The following GHR variants were observed in gnomAD, a reference collection of about 807,000 sequenced individuals.
The protein encoded by GHR is GH receptor.
A neutral mutation model predicts 67.1 loss-of-function variants in GHR; 35 were observed. The ratio of observed to expected loss-of-function variants is 0.52; its 90% CI spans 0.40 to 0.69. The LOEUF is 0.69. Among genes scored for constraint, GHR ranks in the 30% least tolerant of loss-of-function variants. GHR has a pLI of 0.00. For missense variants in GHR, 792 were observed against 764.6 expected, an observed-to-expected ratio of 1.04 and a Z score of -0.42; for synonymous variants, 272 against 269.1, an observed-to-expected ratio of 1.01 and a Z score of -0.10.
intron 1 of GHR, among the ~76,000 whole-genome samples, chr5:42,460,397 C>T (rs1262193289): frequency 6.6e-6 from 1 of 152,202 alleles, no homozygotes; most frequent in Non-Finnish European, 1.5e-5. Flanking sequence ...ATCACTTTTA[C>T]TAGCTAACAC....
chr5:42,424,694 AGGCTGCGGGTCAATGGGGT>A lies in GHR; in HGVS notation c.-12+743_-12+761del, dbSNP rs1742770346. 5 of 1,220,210 alleles carry A rather than the reference AGGCTGCGGGTCAATGGGGT, an allele frequency of 4.1e-6. No homozygotes were observed. The highest frequency in any genetic ancestry group is 1.5e-5 in the African/African-American group (1 of 67,062). 75.6% of individuals were successfully genotyped at this position (1,220,210 alleles called of 1,614,324 possible). Reference sequence around the variant, plus strand: ...CTTAAAGTTTTGACAGAACTGCCAGAGGCTGCGGGTCAATGGGGTGGCCGCGTGTCTAGGGAGAGGGCGC... The same window carrying A: ...CTTAAAGTTTTGACAGAACTGCCAGAGGCCGCGTGTCTAGGGAGAGGGCGC... On this transcript the variant is annotated intron_variant, in intron 1 of 9. Coordinates refer to ENST00000230882, the MANE Select transcript of GHR (RefSeq NM_000163.5). The surrounding 1 kb of genome is among the most constrained non-coding windows in gnomAD (Gnocchi z 4.1).
intron 1 of GHR, among the ~76,000 whole-genome samples, chr5:42,488,613 T>C (rs530691253): frequency 2.5e-4 from 38 of 152,304 alleles, no homozygotes; most frequent in African/African-American, 9.1e-4. Flanking sequence ...CTTTAGCATA[T>C]GTATTAATAG....
At chr5:42,639,376 T>G (rs1754357420) in intron 3 of GHR, among the ~76,000 whole-genome samples, 1 of 152,204 alleles carries the variant, frequency 6.6e-6, no homozygotes, top group South Asian at 2.1e-4. Flanking sequence ...AGATGTATTT[T>G]CAGAGACAAT....
chr5:42,634,786 CA>C (rs1483226497), intron 3 of GHR, among the ~76,000 whole-genome samples: 10 of 152,136 alleles, frequency 6.6e-5, no homozygotes, highest in African/African-American at 2.4e-4. Flanking sequence ...GATAACGTTG[CA>C]GGACATATCA....
At chr5:42,451,961 A>G (rs143643043) in intron 1 of GHR, among the ~76,000 whole-genome samples, 240 of 152,214 alleles carry the variant, frequency 1.6e-3, no homozygotes, top group Non-Finnish European at 2.8e-3. Flanking sequence ...GCTGTTGCCT[A>G]ATACTTTTTA....
chr5:42,492,166 G>A (rs1379887244), intron 1 of GHR, among the ~76,000 whole-genome samples: 1 of 152,130 alleles, frequency 6.6e-6, no homozygotes, highest in Non-Finnish European at 1.5e-5. Context: ...CCACCATGAA[G>A]CCTATAGTTT....
chr5:42,464,048 A>C (rs1252614415), intron 1 of GHR, among the ~76,000 whole-genome samples: 1 of 132,212 alleles, frequency 7.6e-6, no homozygotes, highest in Non-Finnish European at 1.6e-5. Context: ...TACCTTGTTG[A>C]TATTACCAAA....
intron 1 of GHR, among the ~76,000 whole-genome samples, chr5:42,479,432 A>G (rs990131882): frequency 1.3e-5 from 2 of 152,074 alleles, no homozygotes; most frequent in East Asian, 1.9e-4. Context: ...CTCTTTTTCT[A>G]TTGATTGGAA....
intron 6 of GHR, among the ~76,000 whole-genome samples, chr5:42,700,511 A>G (rs1351218568): frequency 6.6e-6 from 1 of 152,186 alleles, no homozygotes; most frequent in Non-Finnish European, 1.5e-5. Context: ...TCAAGCTGAG[A>G]TTCTTATGTA....
chr5:42,435,941 C>G (rs17574527), intron 1 of GHR, among the ~76,000 whole-genome samples: 26,791 of 152,070 alleles, frequency 0.18, 2,660 homozygotes, highest in Non-Finnish European at 0.21. Flanking sequence ...TTTATCACAG[C>G]AACAAGAACA....
At chr5:42,646,771 T>C (rs190564134) in intron 3 of GHR, among the ~76,000 whole-genome samples, 58 of 152,306 alleles carry the variant, frequency 3.8e-4, no homozygotes, top group Admixed American at 1.3e-3. Flanking sequence ...AATGAAGGCA[T>C]CTCTGAGACC....
In GHR at chr5:42,579,124, TAGATAGATAGATAGATGATA is replaced by T. The variant is rs1241572497; in HGVS notation, c.70+13181_70+13200del. Among the ~76,000 whole-genome samples the T allele has an allele frequency of 2.9e-3, 242 of 84,614 alleles. 1 individual carries two copies. The highest frequency in any genetic ancestry group is 0.01 in the South Asian group (34 of 3,350). 55.5% of individuals were successfully genotyped at this position (84,614 alleles called of 152,430 possible). A position where few individuals can be genotyped will look rare whatever the true frequency, so the allele number is the denominator to read the frequency against. On this transcript the variant is annotated intron_variant, in intron 2 of 9. Transcript: ENST00000230882. The stretch of plus-strand genomic sequence containing the variant: ...ATAGATAGATAGATAGATAGATAGA[TAGATAGATAGATAGATGATA>T]GATAGATATAGATAGATAGATAGAT...
intron 1 of GHR, among the ~76,000 whole-genome samples, chr5:42,506,179 T>A (rs1360200269): frequency 6.6e-6 from 1 of 152,214 alleles, no homozygotes. Flanking sequence ...TAGGCCATAT[T>A]TTATCCAGTT....
At chr5:42,681,893 G>A (rs1420825963) in intron 3 of GHR, among the ~76,000 whole-genome samples, 11 of 130,306 alleles carry the variant, frequency 8.4e-5, no homozygotes, top group East Asian at 7.1e-4. Context: ...CCGAGATAGC[G>A]CCACTGCAGT....
At chr5:42,449,656 G>C (rs1171519545) in intron 1 of GHR, among the ~76,000 whole-genome samples, 2 of 152,090 alleles carry the variant, frequency 1.3e-5, no homozygotes, top group African/African-American at 2.4e-5. Context: ...ACTCTGGCTA[G>C]GACTTCTAGA....
intron 1 of GHR, among the ~76,000 whole-genome samples, chr5:42,463,992 C>CAAAAAAAA (rs70991406): frequency 1.3e-4 from 6 of 46,514 alleles, no homozygotes; most frequent in Admixed American, 3.6e-4. Context: ...GACTCCGTCT[C>CAAAAAAAA]AAAAAAAAAA....
At chr5:42,596,637 G>A (rs763477396) in intron 2 of GHR, among the ~76,000 whole-genome samples, 3 of 152,210 alleles carry the variant, frequency 2.0e-5, no homozygotes, top group Non-Finnish European at 2.9e-5. Context: ...TTTGATGCCA[G>A]CCTAAACTTG....
rs933355797 is a variant in GHR, at chr5:42,600,918, C to CTTTTTTTTTTTTTTTTT, written c.71-28111_71-28095dup. ...GAAATTAAAATCTATTCTTTCTATT[C>CTTTTTTTTTTTTTTTTT]TTTTTTTTTTTTTTTTTTTTTTTTT... On this transcript the variant is annotated intron_variant, in intron 2 of 9. Transcript: ENST00000230882. 7.5e-5 allele frequency among the ~76,000 whole-genome samples: 5 copies of CTTTTTTTTTTTTTTTTT among 66,666 alleles called. 1 individual carries two copies. The highest frequency in any genetic ancestry group is 1.9e-4 in the African/African-American group (3 of 15,786). 43.7% of individuals were successfully genotyped at this position (66,666 alleles called of 152,430 possible). A position where few individuals can be genotyped will look rare whatever the true frequency, so the allele number is the denominator to read the frequency against.
At chr5:42,453,848 A>C (rs560122858) in intron 1 of GHR, among the ~76,000 whole-genome samples, 121 of 152,286 alleles carry the variant, frequency 7.9e-4, no homozygotes, top group African/African-American at 2.7e-3. Context: ...ATGGTCACAG[A>C]GGCTGCTTGC....
Sources: gnomAD v4.1 joint callset for allele counts (sites outside exome capture counted in the v4.1 genomes callset) on GRCh38, gnomAD v4.1.1 for gene constraint, Gnocchi (gnomAD v3.1) non-coding constraint, MANE v1.5 for transcripts, NCBI Gene and HGNC (gene_info 2026-07-23, HGNC 2026-07-21) for gene names.